The following RXFP1 variants were observed in gnomAD, a reference collection of about 807,000 sequenced individuals.
RXFP1 encodes relaxin receptor 1.
In RXFP1, 73 loss-of-function variants were observed where a neutral mutation model predicts 89.8. The observed-to-expected ratio is 0.81, with a 90% CI of 0.67 to 0.99. RXFP1 has a LOEUF of 0.99. Among genes scored for constraint, RXFP1 ranks in the 50% least tolerant of loss-of-function variants. The pLI is 0.00. For synonymous variants in RXFP1, 277 were observed against 305.5 expected (o/e 0.91, Z 0.97); for missense variants, 793 against 895.5 (o/e 0.89, Z 1.46).
chr4:158,556,542 C>G (rs1334350447), intron 1 of RXFP1, among the ~76,000 whole-genome samples: 1 of 152,124 alleles, frequency 6.6e-6, no homozygotes, highest in South Asian at 2.1e-4. Flanking sequence ...ACCATATGAT[C>G]CAGCAATCCT....
intron 2 of RXFP1, among the ~76,000 whole-genome samples, chr4:158,577,983 GA>G (rs1756590191): frequency 6.6e-6 from 1 of 152,092 alleles, no homozygotes; most frequent in Non-Finnish European, 1.5e-5. Flanking sequence ...ACTCAGTGAA[GA>G]TTTTTTGTGA....
At chr4:158,637,203 A>G (rs539031030) in intron 12 of RXFP1, among the ~76,000 whole-genome samples, 2 of 152,330 alleles carry the variant, frequency 1.3e-5, no homozygotes, top group South Asian at 4.1e-4. Flanking sequence ...TGCAATGAAT[A>G]TGGGAGTACA....
Position 158,626,862 on chromosome 4 carries a change from T to A in RXFP1, c.798T>A (p.Thr266=). The change falls in exon 10 of 18, where the codon ACT becomes ACA. Residue 266 remains threonine (T), a synonymous_variant. Coordinates refer to ENST00000307765, the MANE Select transcript of RXFP1 (RefSeq NM_021634.4). ...GNHIHNLRNL[T]FISCSNLTVL... ...ATATCCATAATTTAAGAAATTTGAC[T>A]TTTATTTCCTGCAGTAATTTAACTG... 1 of 1,554,748 alleles carries A rather than the reference T, an allele frequency of 6.4e-7. No homozygotes were observed. The highest frequency in any genetic ancestry group is 2.4e-5 in the East Asian group (1 of 42,394).
chr4:158,533,073 T>G lies in RXFP1; in HGVS notation c.49+11048T>G, dbSNP rs533488966. On this transcript the variant is annotated intron_variant, in intron 1 of 17. Transcript: ENST00000307765. ...CGAGGGCATCACACATGCTTAACCCTTAACTCTCTAGAGGTTGTGGAAAGA... is the reference window on the plus strand; with the variant it reads ...CGAGGGCATCACACATGCTTAACCCGTAACTCTCTAGAGGTTGTGGAAAGA... 1.2e-4 allele frequency among the ~76,000 whole-genome samples: 19 copies of G among 152,350 alleles called. 1 individual carries two copies. The South Asian group carries it at 2.7e-3, about 22-fold the overall frequency.
chr4:158,577,328 G>A (rs530961125), intron 2 of RXFP1, among the ~76,000 whole-genome samples: 9 of 152,168 alleles, frequency 5.9e-5, no homozygotes, highest in Admixed American at 2.6e-4. Flanking sequence ...TGAGCCCACC[G>A]CACCTGATCG....
intron 2 of RXFP1, among the ~76,000 whole-genome samples, chr4:158,580,003 A>G (rs1015857426): frequency 2.0e-4 from 30 of 152,174 alleles, no homozygotes; most frequent in African/African-American, 7.0e-4. Flanking sequence ...AGGGCATACC[A>G]TACAGGGCTA....
At chr4:158,586,545 A>G (rs957187689) in intron 2 of RXFP1, among the ~76,000 whole-genome samples, 6 of 152,328 alleles carry the variant, frequency 3.9e-5, no homozygotes, top group African/African-American at 1.2e-4. Context: ...ATGAAAAACC[A>G]TTTTGATCAC....
intron 1 of RXFP1, among the ~76,000 whole-genome samples, chr4:158,543,002 A>G (rs370020905): frequency 6.6e-6 from 1 of 152,300 alleles, no homozygotes; most frequent in East Asian, 1.9e-4. Flanking sequence ...AAAAATAACT[A>G]TTGGGTATTA....
At chr4:158,522,806 T>G (rs1410989435) in intron 1 of RXFP1, among the ~76,000 whole-genome samples, 1 of 152,202 alleles carries the variant, frequency 6.6e-6, no homozygotes, top group East Asian at 1.9e-4. Flanking sequence ...TTTAATACTT[T>G]ATGATTCCGG....
intron 8 of RXFP1, among the ~76,000 whole-genome samples, chr4:158,616,555 T>C (rs1474802494): frequency 3.4e-5 from 1 of 29,244 alleles, no homozygotes; most frequent in Non-Finnish European, 6.3e-5. Context: ...TTTAGGCTAT[T>C]TTTTTTTTTT....
intron 1 of RXFP1, among the ~76,000 whole-genome samples, chr4:158,572,176 C>T (rs1188793455): frequency 6.6e-6 from 1 of 152,172 alleles, no homozygotes; most frequent in Non-Finnish European, 1.5e-5. Flanking sequence ...CATGAGGAAA[C>T]TTTTTCTCTC....
At chr4:158,555,154 T>A (rs1380215579) in intron 1 of RXFP1, among the ~76,000 whole-genome samples, 2 of 152,198 alleles carry the variant, frequency 1.3e-5, no homozygotes, top group Non-Finnish European at 2.9e-5. Flanking sequence ...GTTATAATTT[T>A]ACTGAGTTAT....
intron 16 of RXFP1, among the ~76,000 whole-genome samples, chr4:158,648,257 C>G (rs1317036947): frequency 2.0e-5 from 3 of 152,162 alleles, no homozygotes; most frequent in Non-Finnish European, 4.4e-5. Context: ...ATTTCAATAT[C>G]TCATTTTAAA....
chr4:158,550,617 G>C (rs1749868246), intron 1 of RXFP1, among the ~76,000 whole-genome samples: 1 of 152,112 alleles, frequency 6.6e-6, no homozygotes. Context: ...GATCTTAAAG[G>C]GTAAGATCTA....
intron 2 of RXFP1, among the ~76,000 whole-genome samples, chr4:158,589,475 G>T (rs927334921): frequency 1.3e-5 from 2 of 152,170 alleles, no homozygotes; most frequent in Admixed American, 1.3e-4. Context: ...TCTGCAGCAT[G>T]CTGGGCTCTG....
At chr4:158,640,438 G>A (rs764748381) in intron 14 of RXFP1, among the ~76,000 whole-genome samples, 7 of 152,172 alleles carry the variant, frequency 4.6e-5, no homozygotes. Context: ...TCTAATTTTG[G>A]TGAGGTCGTC....
chr4:158,522,706 T>C (rs144817966), intron 1 of RXFP1, among the ~76,000 whole-genome samples: 107 of 152,342 alleles, frequency 7.0e-4, no homozygotes, highest in African/African-American at 2.5e-3. Flanking sequence ...TGAATTATAG[T>C]ATGTAGACAG....
intron 1 of RXFP1, among the ~76,000 whole-genome samples, chr4:158,548,269 C>T (rs1749077569): frequency 6.6e-6 from 1 of 152,166 alleles, no homozygotes; most frequent in Non-Finnish European, 1.5e-5. Flanking sequence ...ACTAGGATTG[C>T]AACCCCTGCC....
chr4:158,644,716 T>C (rs1241965201), intron 14 of RXFP1, among the ~76,000 whole-genome samples, 193 bp from the exon 15 acceptor site: 1 of 152,246 alleles, frequency 6.6e-6, no homozygotes, highest in Non-Finnish European at 1.5e-5. Flanking sequence ...CACCCACACA[T>C]TCTTTAACAA....
Sources: gnomAD v4.1 joint callset for allele counts (sites outside exome capture counted in the v4.1 genomes callset) on GRCh38, gnomAD v4.1.1 for gene constraint, MANE v1.5 for transcripts, NCBI Gene and HGNC (gene_info 2026-07-23, HGNC 2026-07-21) for gene names.